The following BCKDHB variants were observed in gnomAD, a reference collection of about 807,000 sequenced individuals.
BCKDHB encodes 2-oxoisovalerate dehydrogenase subunit beta, mitochondrial.
Under a neutral mutation model 48.5 loss-of-function variants are expected in BCKDHB, and 41 were observed. The observed-to-expected ratio is 0.85, with a 90% CI of 0.66 to 1.10. BCKDHB has a LOEUF of 1.10. BCKDHB is among the 50% of genes least tolerant of loss of function. The pLI, the probability that BCKDHB is intolerant of heterozygous loss-of-function variation, is 0.00. For synonymous variants in BCKDHB, 201 were observed against 174.8 expected, an observed-to-expected ratio of 1.15 and a Z score of -1.18; for missense variants, 496 against 494.2, an observed-to-expected ratio of 1.00 and a Z score of -0.03.
In BCKDHB at chr6:80,287,928, G is replaced by A. The variant is rs577981110; in HGVS notation, c.1038+14707G>A. 6.6e-5 allele frequency among the ~76,000 whole-genome samples: 10 copies of A among 152,216 alleles called. No individual in the cohort carries two copies. The South Asian group carries it at 2.1e-3, about 32-fold the overall frequency. Reference sequence around the variant, plus strand: ...CTTTCAATGTCAAAGAAAAATTTGAGGTTTCTTTGCCAGTAGCTACTGCTT... The same window carrying A: ...CTTTCAATGTCAAAGAAAAATTTGAAGTTTCTTTGCCAGTAGCTACTGCTT... On this transcript the variant is annotated intron_variant, in intron 9 of 9. Coordinates refer to ENST00000320393, the MANE Select transcript of BCKDHB (RefSeq NM_183050.4).
At chr6:80,465,102 T>A in the BCKDHB span, among the ~76,000 whole-genome samples, 1 of 152,148 alleles carries the variant, frequency 6.6e-6, no homozygotes, top group African/African-American at 2.4e-5. Flanking sequence ...GTCATTCAGC[T>A]CCTTTAGCAG....
the BCKDHB span, among the ~76,000 whole-genome samples, chr6:80,451,733 GAA>G: frequency 5.5e-5 from 6 of 109,440 alleles, no homozygotes; most frequent in African/African-American, 9.6e-5. Flanking sequence ...TGTCTCAAAA[GAA>G]AAAAAAAAAA....
At chr6:80,209,118 C>A (rs1348204152) in intron 8 of BCKDHB, among the ~76,000 whole-genome samples, 2 of 151,834 alleles carry the variant, frequency 1.3e-5, no homozygotes, top group Admixed American at 6.6e-5. Flanking sequence ...AATATTTATT[C>A]ATGATTAAAA....
In BCKDHB at chr6:80,135,204, C is replaced by T. The variant is rs147389928; in HGVS notation, c.343+5975C>T. The stretch of plus-strand genomic sequence containing the variant: ...CAAAGAACGGGTTATTTGGGTGATA[C>T]TCATACTCTTGGATTTAGTGTCAGG... On this transcript the variant is annotated intron_variant, in intron 3 of 9. Coordinates refer to ENST00000320393, the MANE Select transcript of BCKDHB (RefSeq NM_183050.4). Among the ~76,000 whole-genome samples the T allele has an allele frequency of 1.7e-3, 261 of 152,044 alleles. 1 individual carries two copies. The highest frequency in any genetic ancestry group is 6.1e-3 in the African/African-American group (251 of 41,464).
In BCKDHB at chr6:80,168,936, T is replaced by C. The variant is rs1198042486; in HGVS notation, c.539T>C (p.Leu180Pro). 1 of 1,614,184 alleles carries C rather than the reference T, an allele frequency of 6.2e-7. No homozygotes were observed. The highest frequency in any genetic ancestry group is 8.5e-7 in the Non-Finnish European group (1 of 1,180,014). The change falls in exon 5 of 10, where the codon CTC becomes CCC. Residue 180 changes from leucine (L) to proline (P), a missense_variant. By Grantham distance (98) the Leu-to-Pro change is moderately conservative. Coordinates refer to ENST00000320393, the MANE Select transcript of BCKDHB (RefSeq NM_183050.4). ...RSGDLFNCGS[L>P]TIRSPWGCVG... Reference sequence around the variant, plus strand: ...GGGGATCTTTTTAACTGTGGAAGCCTCACTATCCGGTCCCCTTGGGGCTGT... The same window carrying C: ...GGGGATCTTTTTAACTGTGGAAGCCCCACTATCCGGTCCCCTTGGGGCTGT...
At chr6:80,323,898 G>T (rs1003200565) in intron 9 of BCKDHB, among the ~76,000 whole-genome samples, 2 of 151,946 alleles carry the variant, frequency 1.3e-5, no homozygotes, top group African/African-American at 2.4e-5. Flanking sequence ...TCAGCCTCCG[G>T]AGTAGCTGGG....
the BCKDHB span, among the ~76,000 whole-genome samples, chr6:80,361,128 A>C: frequency 3.3e-5 from 5 of 152,132 alleles, no homozygotes; most frequent in African/African-American, 1.2e-4. Context: ...TCTATCCTGC[A>C]TGCCAGCTTC....
At chr6:80,434,275 AT>A in the BCKDHB span, among the ~76,000 whole-genome samples, 3 of 151,344 alleles carry the variant, frequency 2.0e-5, no homozygotes, top group South Asian at 6.2e-4. Flanking sequence ...ATCATTTAAT[AT>A]TTTTCTGCTT....
At chr6:80,316,941 G>A (rs1768478657) in intron 9 of BCKDHB, among the ~76,000 whole-genome samples, 1 of 132,560 alleles carries the variant, frequency 7.5e-6, no homozygotes, top group Non-Finnish European at 1.7e-5. Context: ...ATCTTAGGGT[G>A]GGGTTTAGAA....
the BCKDHB span, among the ~76,000 whole-genome samples, chr6:80,419,698 G>A: frequency 2.6e-5 from 4 of 152,146 alleles, no homozygotes; most frequent in South Asian, 4.1e-4. Context: ...ATTTCCAGAG[G>A]TCCATGGTGA....
chr6:80,407,729 G>T, the BCKDHB span, among the ~76,000 whole-genome samples: 2,455 of 152,252 alleles, frequency 0.016, 79 homozygotes, highest in African/African-American at 0.055. Context: ...TGCTGAAGTT[G>T]CTTATCAGCT....
chr6:80,204,046 A>G (rs749316527), intron 8 of BCKDHB, among the ~76,000 whole-genome samples: 3 of 152,138 alleles, frequency 2.0e-5, no homozygotes. Flanking sequence ...AATTACATGT[A>G]AAATTGTAGG....
chr6:80,465,092 G>A, the BCKDHB span, among the ~76,000 whole-genome samples: 1 of 152,160 alleles, frequency 6.6e-6, no homozygotes, highest in African/African-American at 2.4e-5. Context: ...TCCAGTTTGG[G>A]TCATTCAGCT....
At chr6:80,362,872 G>A in the BCKDHB span, among the ~76,000 whole-genome samples, 573 of 152,162 alleles carry the variant, frequency 3.8e-3, 6 homozygotes, top group African/African-American at 0.013. Flanking sequence ...TCAACTCCTG[G>A]ACTTGAAATG....
At chr6:80,328,625 C>T (rs1562233283) in intron 9 of BCKDHB, among the ~76,000 whole-genome samples, 2 of 152,088 alleles carry the variant, frequency 1.3e-5, no homozygotes, top group African/African-American at 2.4e-5. Flanking sequence ...TAAGGGAAAA[C>T]AAATATACCC....
chr6:80,288,339 A>G (rs1378419185), intron 9 of BCKDHB, among the ~76,000 whole-genome samples: 1 of 106,000 alleles, frequency 9.4e-6, no homozygotes, highest in African/African-American at 3.4e-5. Flanking sequence ...AGCATTTATT[A>G]TTTCAGTAAA....
chr6:80,223,200 T>C (rs553713292), intron 8 of BCKDHB, among the ~76,000 whole-genome samples: 29 of 152,324 alleles, frequency 1.9e-4, no homozygotes, highest in Non-Finnish European at 4.1e-4. Flanking sequence ...TCTATCATTG[T>C]GAAGAGATTA....
chr6:80,248,209 C>T (rs1712630664), intron 8 of BCKDHB, among the ~76,000 whole-genome samples: 1 of 152,122 alleles, frequency 6.6e-6, no homozygotes, highest in Admixed American at 6.6e-5. Context: ...GAGTCAGCAC[C>T]ACAGTGTCCA....
chr6:80,363,857 A>C, the BCKDHB span, among the ~76,000 whole-genome samples: 39 of 152,324 alleles, frequency 2.6e-4, no homozygotes, highest in East Asian at 5.2e-3. Context: ...AATATGGCAA[A>C]AATTACGTAG....
Sources: allele counts gnomAD v4.1 joint callset (sites outside exome capture counted in the v4.1 genomes callset), GRCh38; gene constraint gnomAD v4.1.1; transcripts MANE v1.5; gene names NCBI Gene and HGNC (gene_info 2026-07-23, HGNC 2026-07-21).